The following RAD51B variants were observed in gnomAD, a reference collection of about 807,000 sequenced individuals.
RAD51B encodes DNA repair protein RAD51 homolog 2.
RAD51B carries 38 observed loss-of-function variants against 42.2 expected under a neutral mutation model. The ratio of observed to expected loss-of-function variants is 0.90; its 90% CI spans 0.70 to 1.18. RAD51B has a LOEUF of 1.18. RAD51B is among the 50% of genes most tolerant of loss of function. The pLI is 0.00. For missense variants in RAD51B, 373 were observed against 400.7 expected (o/e 0.93, Z 0.59); for synonymous variants, 154 against 145.2 (o/e 1.06, Z -0.43).
intron 10 of RAD51B, chr14:68,540,056 G>C: frequency 2.4e-6 from 1 of 424,756 alleles, no homozygotes; most frequent in Non-Finnish European, 3.2e-6. Flanking sequence ...CATCCACGGT[G>C]AGCAGCTGTA....
At chr14:68,070,181 A>G (rs996329502) in intron 7 of RAD51B, among the ~76,000 whole-genome samples, 10 of 151,798 alleles carry the variant, frequency 6.6e-5, no homozygotes, top group African/African-American at 2.2e-4. Context: ...TGGATATTAG[A>G]CCTTGGTTGG....
At chr14:68,650,248 A>G (rs2140138003) in intron 10 of RAD51B, among the ~76,000 whole-genome samples, 1 of 152,272 alleles carries the variant, frequency 6.6e-6, no homozygotes, top group South Asian at 2.1e-4. Flanking sequence ...ATTTCTAGCT[A>G]CTTCTCTGAA....
rs2040942754 is a variant in RAD51B, at chr14:67,829,240, C to T, written c.198+3663C>T. ...TATTTATTGCTAGGTATTTTCTTTTCTTTCTTTCTTTTTTTTTTTTGAGAC... is the reference window on the plus strand; with the variant it reads ...TATTTATTGCTAGGTATTTTCTTTTTTTTCTTTCTTTTTTTTTTTTGAGAC... On this transcript the variant is annotated intron_variant, in intron 3 of 10. Transcript: ENST00000471583. Among the ~76,000 whole-genome samples, 3 of 149,074 alleles carry T rather than the reference C, an allele frequency of 2.0e-5. No individual in the cohort carries two copies. The South Asian group carries it at 6.5e-4, about 32-fold the overall frequency.
chr14:68,594,662 C>T, exon 11 of RAD51B: 2 of 1,280,062 alleles, frequency 1.6e-6, no homozygotes, highest in African/African-American at 3.0e-5. Context: ...CTCCTGGCTT[C>T]AAGAGATCCA....
At chr14:68,581,655 T>A (rs1890213727) in intron 10 of RAD51B, among the ~76,000 whole-genome samples, 1 of 152,102 alleles carries the variant, frequency 6.6e-6, no homozygotes, top group Non-Finnish European at 1.5e-5. Flanking sequence ...AGAAAAAAAC[T>A]ACTTTAAATT....
chr14:67,861,793 T>G (rs1462047468), intron 4 of RAD51B, among the ~76,000 whole-genome samples: 1 of 152,188 alleles, frequency 6.6e-6, no homozygotes, highest in Non-Finnish European at 1.5e-5. Flanking sequence ...CTGCCTTTTC[T>G]AAAGGCTGGG....
chr14:68,456,889 T>G (rs1456135185), intron 9 of RAD51B, among the ~76,000 whole-genome samples: 11 of 58,614 alleles, frequency 1.9e-4, no homozygotes, highest in African/African-American at 1.6e-3. Flanking sequence ...TTTTTTTTTT[T>G]TTTTTTTTTT....
In RAD51B at chr14:68,565,084, TACAC is replaced by T. The variant is rs997904452; in HGVS notation, c.1037-29391_1037-29388del. Among the ~76,000 whole-genome samples, 2 of 151,808 alleles carry T rather than the reference TACAC, an allele frequency of 1.3e-5. No individual in the cohort carries two copies. The highest frequency in any genetic ancestry group is 2.9e-5 in the Non-Finnish European group (2 of 67,934). ...AAAAACACAATAGTGACAGGAAAAA[TACAC>T]ACACACACATACACACACACACACC... On this transcript the variant is annotated intron_variant, in intron 10 of 10. Transcript: ENST00000487270. The surrounding 1 kb of genome is among the most constrained non-coding windows in gnomAD (Gnocchi z 4.1).
intron 7 of RAD51B, among the ~76,000 whole-genome samples, chr14:67,919,169 A>T (rs1450995442): frequency 6.6e-6 from 1 of 152,202 alleles, no homozygotes; most frequent in African/African-American, 2.4e-5. Context: ...TAGGGAATAA[A>T]CTGTCCCTAA....
intron 10 of RAD51B, among the ~76,000 whole-genome samples, chr14:68,564,649 C>T (rs9805884): frequency 0.032 from 4,846 of 152,310 alleles, 239 homozygotes; most frequent in African/African-American, 0.11. Flanking sequence ...TATCTCCTCA[C>T]AGGGCTCCCC....
chr14:68,591,428 A>G (rs1312747710), intron 10 of RAD51B, among the ~76,000 whole-genome samples: 5 of 152,328 alleles, frequency 3.3e-5, no homozygotes, highest in Admixed American at 2.6e-4. Context: ...TGGCTTTTCC[A>G]TCTCTAAATA....
intron 7 of RAD51B, among the ~76,000 whole-genome samples, chr14:68,055,347 A>T (rs1244190064): frequency 1.3e-5 from 2 of 152,090 alleles, no homozygotes; most frequent in Non-Finnish European, 2.9e-5. Context: ...GTGATAGAGA[A>T]TTTTTCCCTT....
At chr14:68,546,403 G>C (rs933670514) in intron 10 of RAD51B, among the ~76,000 whole-genome samples, 4 of 152,190 alleles carry the variant, frequency 2.6e-5, no homozygotes, top group Non-Finnish European at 4.4e-5. Context: ...AGAGAGAGGA[G>C]ACAGGGTAGG....
intron 7 of RAD51B, among the ~76,000 whole-genome samples, chr14:68,003,311 G>C (rs1171422756): frequency 6.6e-6 from 1 of 152,080 alleles, no homozygotes; most frequent in African/African-American, 2.4e-5. Context: ...TTCATGATTT[G>C]GCTCTTGGAT....
intron 7 of RAD51B, among the ~76,000 whole-genome samples, chr14:68,028,102 T>A (rs2075982554): frequency 1.3e-5 from 2 of 152,176 alleles, no homozygotes; most frequent in Admixed American, 6.5e-5. Context: ...ACCAAAATAT[T>A]TTTGGTGGTG....
intron 7 of RAD51B, among the ~76,000 whole-genome samples, chr14:67,901,199 T>G (rs2043600736): frequency 6.6e-6 from 1 of 152,210 alleles, no homozygotes; most frequent in Non-Finnish European, 1.5e-5. Flanking sequence ...TGCCTGGGGT[T>G]GACTCCATCT....
At chr14:68,500,532 A>C (rs1884845957) in intron 10 of RAD51B, among the ~76,000 whole-genome samples, 1 of 152,244 alleles carries the variant, frequency 6.6e-6, no homozygotes, top group African/African-American at 2.4e-5. Flanking sequence ...TATGTATTTT[A>C]CTAGCAGCAC....
At chr14:68,181,526 A>T (rs1043912094) in intron 7 of RAD51B, among the ~76,000 whole-genome samples, 1 of 152,016 alleles carries the variant, frequency 6.6e-6, no homozygotes, top group Non-Finnish European at 1.5e-5. Context: ...GTAATTGGAG[A>T]TATTTGTGGT....
At chr14:68,371,333 G>A (rs1309672545) in intron 8 of RAD51B, among the ~76,000 whole-genome samples, 11 of 151,966 alleles carry the variant, frequency 7.2e-5, no homozygotes, top group Non-Finnish European at 1.0e-4. Context: ...CCTGGCCAAC[G>A]TGGTGAAACC....
Sources: allele counts gnomAD v4.1 joint callset (sites outside exome capture counted in the v4.1 genomes callset), GRCh38; gene constraint gnomAD v4.1.1; non-coding constraint Gnocchi (gnomAD v3.1); transcripts MANE v1.5; gene names NCBI Gene and HGNC (gene_info 2026-07-23, HGNC 2026-07-21).